Variants in NCOA3 observed in about 807,000 individuals in gnomAD.
The protein encoded by NCOA3 is nuclear receptor coactivator 3.
In NCOA3, 51 loss-of-function variants were observed where a neutral mutation model predicts 158.8. That is an observed-to-expected ratio of 0.32 (90% CI 0.26 to 0.41). The LOEUF (loss-of-function observed/expected upper bound fraction) is 0.41, where lower values mean the gene tolerates loss of function less well. NCOA3 is among the 10% of genes least tolerant of loss of function. The pLI, the probability that NCOA3 is intolerant of heterozygous loss-of-function variation, is 1.00. For missense variants in NCOA3, 1,510 were observed against 1,746.6 expected, an observed-to-expected ratio of 0.86 and a Z score of 2.41; for synonymous variants, 537 against 592.4, an observed-to-expected ratio of 0.91 and a Z score of 1.36.
At chr20:47,549,828 A>C (rs1176920861) in intron 1 of NCOA3, among the ~76,000 whole-genome samples, 1 of 152,042 alleles carries the variant, frequency 6.6e-6, no homozygotes, top group African/African-American at 2.4e-5. Flanking sequence ...AGCTTCTTAA[A>C]TAGCTGGGAC....
At chr20:47,517,676 C>T (rs985751944) in intron 1 of NCOA3, among the ~76,000 whole-genome samples, 1 of 152,000 alleles carries the variant, frequency 6.6e-6, no homozygotes, top group Non-Finnish European at 1.5e-5. Flanking sequence ...TTCTCGAACT[C>T]CTAACCTCAG....
intron 1 of NCOA3, among the ~76,000 whole-genome samples, chr20:47,572,453 G>A (rs769444609): frequency 6.6e-6 from 1 of 151,894 alleles, no homozygotes; most frequent in Admixed American, 6.6e-5. Flanking sequence ...TCACAACTTG[G>A]CTGTTTGGTG....
intron 1 of NCOA3, among the ~76,000 whole-genome samples, chr20:47,564,425 CAT>C (rs1055321362): frequency 6.6e-6 from 1 of 152,086 alleles, no homozygotes; most frequent in Non-Finnish European, 1.5e-5. Context: ...GAGTACCTGT[CAT>C]GTGCAAGTTA....
chr20:47,548,546 AAAAAT>A (rs1438502338), intron 1 of NCOA3, among the ~76,000 whole-genome samples: 10 of 152,250 alleles, frequency 6.6e-5, no homozygotes, highest in Non-Finnish European at 1.3e-4. Context: ...CTCCATCTCA[AAAAAT>A]AAAATAAAAT....
At chr20:47,507,265 G>T (rs758585118) in intron 1 of NCOA3, among the ~76,000 whole-genome samples, 10 of 152,184 alleles carry the variant, frequency 6.6e-5, no homozygotes, top group Non-Finnish European at 1.3e-4. Flanking sequence ...TGTTAGAGGT[G>T]TTAGAGATTT....
At chr20:47,562,538 A>AT (rs201250731) in intron 1 of NCOA3, among the ~76,000 whole-genome samples, 118 of 143,750 alleles carry the variant, frequency 8.2e-4, no homozygotes, top group Middle Eastern at 3.5e-3. Flanking sequence ...ATCTGTCTTG[A>AT]TTTTTTTTTT....
chr20:47,511,550 T>TATACACACACACACATACAC (rs1556556372), intron 1 of NCOA3, among the ~76,000 whole-genome samples: 2 of 52,270 alleles, frequency 3.8e-5, no homozygotes, highest in African/African-American at 1.1e-4. Flanking sequence ...TATATATATA[T>TATACACACACACACATACAC]ATATATTTCT....
intron 1 of NCOA3, among the ~76,000 whole-genome samples, chr20:47,570,880 TAC>T (rs1398848589): frequency 3.0e-4 from 46 of 150,984 alleles, no homozygotes; most frequent in African/African-American, 1.0e-3. Flanking sequence ...AATCTCTTTG[TAC>T]CTTGCTATCA....
chr20:47,626,134 C>T (rs926877093), intron 5 of NCOA3, among the ~76,000 whole-genome samples: 3 of 152,216 alleles, frequency 2.0e-5, no homozygotes, highest in Admixed American at 6.5e-5. Flanking sequence ...TCACATGGCA[C>T]GCTATGGTTT....
chr20:47,522,351 G>A (rs948335173), intron 1 of NCOA3, among the ~76,000 whole-genome samples: 17 of 150,714 alleles, frequency 1.1e-4, no homozygotes, highest in African/African-American at 4.1e-4. Flanking sequence ...ATCTGCCCGC[G>A]TCGGCAAAGT....
At chr20:47,565,929 A>G (rs2146191187) in intron 1 of NCOA3, among the ~76,000 whole-genome samples, 2 of 152,304 alleles carry the variant, frequency 1.3e-5, no homozygotes, top group South Asian at 2.1e-4. Flanking sequence ...ACACCATTAA[A>G]CCTAAGTTTA....
intron 2 of NCOA3, 148 bp downstream of exon 2, chr20:47,583,409 A>G (rs2085484801): frequency 5.2e-6 from 2 of 387,028 alleles, no homozygotes; most frequent in Non-Finnish European, 4.6e-6. Context: ...GAATGTGCTT[A>G]GAGTACTTGA....
chr20:47,616,361 T>G (rs1473824760), intron 2 of NCOA3, among the ~76,000 whole-genome samples: 1 of 151,622 alleles, frequency 6.6e-6, no homozygotes, highest in African/African-American at 2.4e-5. Flanking sequence ...GCCCGGCTAA[T>G]TTTGTACTTT....
intron 1 of NCOA3, among the ~76,000 whole-genome samples, chr20:47,522,892 T>TAA (rs3092358): frequency 0.11 from 15,044 of 139,130 alleles, 937 homozygotes; most frequent in Middle Eastern, 0.18. Flanking sequence ...AGAGATGCTT[T>TAA]AAAAAAAAAA....
intron 1 of NCOA3, among the ~76,000 whole-genome samples, chr20:47,513,641 A>G (rs1034544480): frequency 2.7e-5 from 4 of 150,920 alleles, no homozygotes; most frequent in African/African-American, 9.8e-5. Context: ...CATGAGACTC[A>G]CTTGAATCCA....
chr20:47,567,012 CTATGTATGTATGTATGTATGTATG>C (rs71183264), intron 1 of NCOA3, among the ~76,000 whole-genome samples: 5 of 145,346 alleles, frequency 3.4e-5, no homozygotes, highest in African/African-American at 7.7e-5. Context: ...TGGTATAGTA[CTATGTATGTATGTATGTATGTATG>C]TATGTATGTA....
At chr20:47,591,309 A>G (rs940269329) in intron 2 of NCOA3, among the ~76,000 whole-genome samples, 1 of 152,226 alleles carries the variant, frequency 6.6e-6, no homozygotes, top group African/African-American at 2.4e-5. Context: ...TAGTTTTAAA[A>G]TTTAAAAATG....
At chr20:47,556,467 C>CT (rs34681401) in intron 1 of NCOA3, among the ~76,000 whole-genome samples, 1 of 152,156 alleles carries the variant, frequency 6.6e-6, no homozygotes, top group Non-Finnish European at 1.5e-5. Context: ...AGACTCTGGA[C>CT]TTTTTCAGTG....
intron 20 of NCOA3, 21 bp from the exon 21 acceptor site, chr20:47,652,385 C>T (rs369909714): frequency 1.3e-6 from 2 of 1,572,220 alleles, no homozygotes; most frequent in Non-Finnish European, 8.7e-7. Context: ...ATTTTTATTT[C>T]TTCTGTTTTA....
Sources: allele counts gnomAD v4.1 joint callset (sites outside exome capture counted in the v4.1 genomes callset), GRCh38; gene constraint gnomAD v4.1.1; transcripts MANE v1.5; gene names NCBI Gene and HGNC (gene_info 2026-07-23, HGNC 2026-07-21).